The following MALRD1 variants were observed in gnomAD, a reference collection of about 807,000 sequenced individuals.
The protein encoded by MALRD1 is MAM and LDL receptor class A domain containing 1.
In MALRD1, 247 loss-of-function variants were observed where a neutral mutation model predicts 242.1. That is an observed-to-expected ratio of 1.02 (90% CI 0.92 to 1.13). The LOEUF is 1.13. Among genes scored for constraint, MALRD1 ranks in the 50% most tolerant of loss-of-function variants. The probability of loss-of-function intolerance (pLI) is 0.00; values close to 1 mark genes in which losing one functional copy is unlikely to be tolerated. For synonymous variants in MALRD1, 995 were observed against 866.6 expected (o/e 1.15, Z -2.60); for missense variants, 2,989 against 2,533.1 (o/e 1.18, Z -3.86).
intron 18 of MALRD1, among the ~76,000 whole-genome samples, chr10:19,235,282 G>C (rs1838261116): frequency 1.3e-5 from 2 of 151,936 alleles, no homozygotes; most frequent in Admixed American, 1.3e-4. Flanking sequence ...GGCATCTGTT[G>C]TATTTTGACT....
chr10:19,171,422 T>TTTTATATA (rs1159904055), intron 13 of MALRD1, among the ~76,000 whole-genome samples: 6 of 36,276 alleles, frequency 1.7e-4, no homozygotes, highest in African/African-American at 4.7e-4. Context: ...ATTTTATATT[T>TTTTATATA]TATATACATA....
intron 1 of MALRD1, among the ~76,000 whole-genome samples, chr10:19,062,023 T>C (rs576219365): frequency 1.3e-5 from 2 of 152,150 alleles, no homozygotes; most frequent in South Asian, 4.1e-4. Flanking sequence ...AAATCATACA[T>C]CTGATAAAAG....
chr10:19,692,416 T>C (rs1473234199), intron 37 of MALRD1, 42 bp from the exon 38 acceptor site: 31 of 1,531,402 alleles, frequency 2.0e-5, no homozygotes, highest in Admixed American at 2.0e-4. Flanking sequence ...CTCTAATATA[T>C]TTCACTGCAT....
chr10:19,104,598 A>G (rs1218417275), intron 5 of MALRD1, among the ~76,000 whole-genome samples: 1 of 152,142 alleles, frequency 6.6e-6, no homozygotes, highest in Non-Finnish European at 1.5e-5. Context: ...TTCCAAAAAC[A>G]ATTCAATATT....
intron 32 of MALRD1, among the ~76,000 whole-genome samples, chr10:19,566,529 G>C (rs1430193750): frequency 6.6e-6 from 1 of 151,350 alleles, no homozygotes; most frequent in Non-Finnish European, 1.5e-5. Flanking sequence ...GAGGTCACTG[G>C]AAAAATGTAC....
chr10:19,295,098 A>G (rs1313731357), intron 21 of MALRD1, among the ~76,000 whole-genome samples: 4 of 152,228 alleles, frequency 2.6e-5, no homozygotes, highest in African/African-American at 9.6e-5. Context: ...GGTGATAAAC[A>G]ATTTTAATCA....
At chr10:19,706,335 A>C (rs1448267323) in intron 38 of MALRD1, among the ~76,000 whole-genome samples, 1 of 152,062 alleles carries the variant, frequency 6.6e-6, no homozygotes, top group Non-Finnish European at 1.5e-5. Context: ...ATTTTATTTG[A>C]GATGGACTTT....
intron 36 of MALRD1, among the ~76,000 whole-genome samples, chr10:19,644,741 G>A (rs1214985222): frequency 6.6e-6 from 1 of 152,126 alleles, no homozygotes; most frequent in Non-Finnish European, 1.5e-5. Context: ...AATAATGAGG[G>A]TGTTACTTTC....
At chr10:19,624,913 T>C (rs1178825112) in intron 36 of MALRD1, among the ~76,000 whole-genome samples, 1 of 148,742 alleles carries the variant, frequency 6.7e-6, no homozygotes, top group Admixed American at 6.7e-5. Flanking sequence ...CGGGAACATT[T>C]AGATGAGGCT....
intron 1 of MALRD1, among the ~76,000 whole-genome samples, chr10:19,062,274 A>G (rs1250315390): frequency 4.6e-5 from 7 of 152,166 alleles, no homozygotes; most frequent in Non-Finnish European, 1.0e-4. Context: ...AATCTCCTAG[A>G]AAATAATGTA....
intron 30 of MALRD1, among the ~76,000 whole-genome samples, chr10:19,492,210 A>G (rs1413378924): frequency 3.3e-5 from 5 of 152,190 alleles, no homozygotes; most frequent in African/African-American, 1.2e-4. Flanking sequence ...AAATATGAGC[A>G]GATATTTAAA....
intron 24 of MALRD1, among the ~76,000 whole-genome samples, chr10:19,334,187 T>C (rs1430493651): frequency 1.3e-5 from 2 of 150,446 alleles, no homozygotes; most frequent in Non-Finnish European, 1.5e-5. Context: ...TTCTCAAGTT[T>C]TGGTTTCATT....
At chr10:19,310,498 G>T (rs747770925) in intron 21 of MALRD1, among the ~76,000 whole-genome samples, 32 of 151,658 alleles carry the variant, frequency 2.1e-4, no homozygotes, top group Middle Eastern at 3.4e-3. Context: ...TGCAAACCTG[G>T]ATTGTCAGAA....
chr10:19,191,827 A>C (rs943622529), intron 14 of MALRD1, among the ~76,000 whole-genome samples: 2 of 152,006 alleles, frequency 1.3e-5, no homozygotes, highest in Non-Finnish European at 2.9e-5. Flanking sequence ...GTGAAATCCC[A>C]TCTCTACTAA....
In MALRD1 at chr10:19,205,270, G is replaced by T; in HGVS notation, c.2578+5G>T. The T allele has an allele frequency of 1.3e-6, 2 of 1,530,028 alleles. No homozygotes were observed. The highest frequency in any genetic ancestry group is 1.8e-6 in the Non-Finnish European group (2 of 1,137,650). 94.8% of individuals were successfully genotyped at this position (1,530,028 alleles called of 1,614,324 possible). A position where few individuals can be genotyped will look rare whatever the true frequency, so the allele number is the denominator to read the frequency against. ...GTACTGATGAAGTCAACTGTGGTAA[G>T]TTCTTTTTGGTTGGGGGATTCTCTT... On this transcript the variant is annotated splice_donor_5th_base_variant and intron_variant, in intron 17 of 39. Transcript: ENST00000454679.
At chr10:19,585,932 T>C (rs1223453799) in intron 33 of MALRD1, among the ~76,000 whole-genome samples, 1 of 152,184 alleles carries the variant, frequency 6.6e-6, no homozygotes, top group Non-Finnish European at 1.5e-5. Context: ...TTTCTTTTTA[T>C]TCTTTTTCCT....
At chr10:19,434,077 C>G (rs992848154) in intron 28 of MALRD1, among the ~76,000 whole-genome samples, 1 of 152,124 alleles carries the variant, frequency 6.6e-6, no homozygotes, top group African/African-American at 2.4e-5. Flanking sequence ...ACCTCTTCAG[C>G]TCCTTTGATC....
intron 28 of MALRD1, among the ~76,000 whole-genome samples, chr10:19,443,615 A>G (rs1032038441): frequency 1.3e-5 from 2 of 152,118 alleles, no homozygotes; most frequent in Non-Finnish European, 2.9e-5. Flanking sequence ...TTCAGTTTCC[A>G]TGTAGTTGAG....
At chr10:19,241,400 T>C (rs1838765484) in intron 18 of MALRD1, among the ~76,000 whole-genome samples, 2 of 152,282 alleles carry the variant, frequency 1.3e-5, no homozygotes, top group Middle Eastern at 3.4e-3. Flanking sequence ...CTTATATTTC[T>C]GTGGTGTATC....
Sources: allele counts gnomAD v4.1 joint callset (sites outside exome capture counted in the v4.1 genomes callset), GRCh38; gene constraint gnomAD v4.1.1; transcripts MANE v1.5; gene names NCBI Gene and HGNC (gene_info 2026-07-23, HGNC 2026-07-21).